SPMIP1: variants seen among roughly 807,000 people sequenced by gnomAD.
SPMIP1 encodes protein SPMIP1.
chr7:128,870,294 T>C, the SPMIP1 span: 1 of 151,234 alleles, frequency 6.6e-6, no homozygotes, highest in East Asian at 2.0e-4. Flanking sequence ...TGTGAGATAT[T>C]GCCTTCCCAA....
the SPMIP1 span, chr7:128,866,784 A>T: frequency 6.5e-7 from 1 of 1,535,988 alleles, no homozygotes; most frequent in Non-Finnish European, 8.7e-7. Context: ...CAGAGACGCG[A>T]TACCTCTTCC....
At chr7:128,867,643 C>G in the SPMIP1 span, among the ~76,000 whole-genome samples, 1 of 152,068 alleles carries the variant, frequency 6.6e-6, no homozygotes, top group African/African-American at 2.4e-5. Flanking sequence ...ACGATCTTGG[C>G]TCACTGCAAC....
the SPMIP1 span, chr7:128,868,777 C>T: frequency 2.6e-6 from 4 of 1,529,330 alleles, no homozygotes; most frequent in East Asian, 2.4e-5. Context: ...GCCCTCTGAC[C>T]GTGGGCCAGG....
the SPMIP1 span, chr7:128,868,578 C>A: frequency 1.3e-6 from 1 of 778,074 alleles, no homozygotes; most frequent in Non-Finnish European, 2.0e-6. Context: ...CTGACGGATT[C>A]CTAGGGCTGT....
the SPMIP1 span, among the ~76,000 whole-genome samples, chr7:128,868,030 C>A: frequency 6.6e-6 from 1 of 152,114 alleles, no homozygotes; most frequent in African/African-American, 2.4e-5. Context: ...TGAGTCAAGG[C>A]CATCAGCGGG....
the SPMIP1 span, chr7:128,870,232 GCCTT>G: frequency 1.3e-5 from 2 of 152,482 alleles, no homozygotes; most frequent in Non-Finnish European, 2.9e-5. Context: ...TATGGGGGTC[GCCTT>G]CCTCTGGGGG....
chr7:128,866,342 A>G, the SPMIP1 span: 3 of 1,294,368 alleles, frequency 2.3e-6, no homozygotes, highest in African/African-American at 2.9e-5. Context: ...TCGCCGTCAG[A>G]AGCACTCTGC....
chr7:128,871,104 T>C, the SPMIP1 span: 1 of 152,224 alleles, frequency 6.6e-6, no homozygotes, highest in Non-Finnish European at 1.5e-5. Flanking sequence ...TCCCAGTGCA[T>C]GGCTAGGGGT....
At chr7:128,868,951 T>C in the SPMIP1 span, 10 of 559,494 alleles carry the variant, frequency 1.8e-5, no homozygotes, top group Admixed American at 3.0e-5. Flanking sequence ...GTAACCCTCA[T>C]CACTTTAATC....
chr7:128,868,097 C>T, the SPMIP1 span, among the ~76,000 whole-genome samples: 4 of 152,198 alleles, frequency 2.6e-5, no homozygotes, highest in Non-Finnish European at 5.9e-5. Flanking sequence ...AGGTGTGGAA[C>T]AGGCATGTGC....
chr7:128,869,628 G>A, the SPMIP1 span: 1 of 152,126 alleles, frequency 6.6e-6, no homozygotes, highest in Non-Finnish European at 1.5e-5. Context: ...CACACCCGGA[G>A]CCGCTGCTGC....
At chr7:128,868,685 A>G in the SPMIP1 span, 1 of 1,535,446 alleles carries the variant, frequency 6.5e-7, no homozygotes, top group Non-Finnish European at 8.7e-7. Flanking sequence ...TGAAGCAAGA[A>G]CTGGTCTCCT....
the SPMIP1 span, among the ~76,000 whole-genome samples, chr7:128,867,568 CT>C: frequency 3.0e-3 from 435 of 145,186 alleles, 10 homozygotes; most frequent in South Asian, 0.052. Context: ...AATATAGGTG[CT>C]TTTTTTTTTT....
the SPMIP1 span, chr7:128,868,876 C>T: frequency 1.3e-6 from 1 of 744,176 alleles, no homozygotes; most frequent in Non-Finnish European, 2.1e-6. Flanking sequence ...CTCTCCCTGT[C>T]CCTGAGGTTG....
the SPMIP1 span, chr7:128,869,029 G>A: frequency 9.4e-6 from 4 of 427,328 alleles, no homozygotes; most frequent in Non-Finnish European, 1.7e-5. Context: ...GCAGGCACGG[G>A]ATCCTCAGCA....
At chr7:128,866,672 T>A in the SPMIP1 span, 1 of 1,294,260 alleles carries the variant, frequency 7.7e-7, no homozygotes, top group South Asian at 1.2e-5. Context: ...CAGTCGGAAA[T>A]GTACCCGGTA....
chr7:128,866,419 C>T, the SPMIP1 span: 57 of 1,521,644 alleles, frequency 3.7e-5, no homozygotes, highest in African/African-American at 2.1e-4. Context: ...CATGTCACGG[C>T]AGCTCAACAT....
At chr7:128,869,280 C>T in the SPMIP1 span, 1 of 171,966 alleles carries the variant, frequency 5.8e-6, no homozygotes, top group African/African-American at 2.4e-5. Context: ...GCTGAGCGTC[C>T]GCGGCTCAGT....
chr7:128,868,617 G>A, the SPMIP1 span: 8 of 1,240,640 alleles, frequency 6.4e-6, no homozygotes, highest in Admixed American at 1.2e-4. Flanking sequence ...CATGCTCTGC[G>A]TGTCCCTCCC....
Sources: allele counts gnomAD v4.1 joint callset (sites outside exome capture counted in the v4.1 genomes callset), GRCh38; gene constraint gnomAD v4.1.1; transcripts MANE v1.5; gene names NCBI Gene and HGNC (gene_info 2026-07-23, HGNC 2026-07-21).